The following AKAP13 variants were observed in gnomAD, a reference collection of about 807,000 sequenced individuals.
AKAP13 encodes the protein A-kinase anchoring protein 13.
AKAP13 carries 80 observed loss-of-function variants against 264.5 expected under a neutral mutation model. The ratio of observed to expected loss-of-function variants is 0.30; its 90% CI spans 0.25 to 0.36. AKAP13 has a LOEUF of 0.36. Ranked by LOEUF, AKAP13 falls within the 10% of genes least tolerant of loss-of-function variation. AKAP13 has a pLI of 1.00. For missense variants in AKAP13, 3,712 were observed against 3,435.2 expected (o/e 1.08, Z -2.01); for synonymous variants, 1,380 against 1,250.2 (o/e 1.10, Z -2.19).
intron 5 of AKAP13, among the ~76,000 whole-genome samples, chr15:85,562,586 T>A (rs370625641): frequency 0.58 from 66,337 of 113,666 alleles, 20,856 homozygotes; most frequent in East Asian, 0.63. Context: ...TATATATATA[T>A]ATATATATAT....
chr15:85,425,923 T>G (rs2072757076), intron 1 of AKAP13, among the ~76,000 whole-genome samples: 1 of 151,964 alleles, frequency 6.6e-6, no homozygotes. Context: ...AAAGAGTCAT[T>G]ATCAGATTGC....
In AKAP13 at chr15:85,692,471, GAGT is replaced by G. The variant is rs996190364; in HGVS notation, c.5290-796_5290-794del. Among the ~76,000 whole-genome samples the G allele has an allele frequency of 7.3e-5, 11 of 151,264 alleles. No homozygotes were observed. In the East Asian group the frequency reaches 1.2e-3, roughly 16 times the overall value. On this transcript the variant is annotated intron_variant, in intron 16 of 36. Coordinates refer to ENST00000394518, the MANE Select transcript of AKAP13 (RefSeq NM_007200.5). ...ATTTACCTAGGGTCACGCTATTACT[GAGT>G]AGTAGTAGTGGTGGTGGTGGTGATG...
At chr15:85,611,641 A>G (rs2080630219) in intron 8 of AKAP13, among the ~76,000 whole-genome samples, 1 of 152,212 alleles carries the variant, frequency 6.6e-6, no homozygotes, top group Admixed American at 6.5e-5. Context: ...AGCGTATTCC[A>G]GAAAAATATA....
chr15:85,413,252 A>G (rs1474246987), intron 1 of AKAP13, among the ~76,000 whole-genome samples: 1 of 152,190 alleles, frequency 6.6e-6, no homozygotes, highest in Non-Finnish European at 1.5e-5. Context: ...GTGGAGCTGG[A>G]TCTTTAGAAG....
chr15:85,715,895 A>G lies in AKAP13; in HGVS notation c.5707A>G (p.Lys1903Glu), dbSNP rs2086905103. ...RRSQQSVSLS[K>E]SVSIQNITGV... The stretch of plus-strand genomic sequence containing the variant: ...ATCCCAGCAGAGTGTCTCGCTCTCC[A>G]AAAGTGTCTCCATACAGAACATTAC... The change falls in exon 20 of 37, where the codon AAA becomes GAA. Residue 1903 changes from lysine (K) to glutamate (E), a missense_variant. Coordinates refer to ENST00000394518, the MANE Select transcript of AKAP13 (RefSeq NM_007200.5). 1 of 1,612,858 alleles carries G rather than the reference A, an allele frequency of 6.2e-7. No individual in the cohort carries two copies. The highest frequency in any genetic ancestry group is 1.3e-5 in the African/African-American group (1 of 74,740).
intron 8 of AKAP13, among the ~76,000 whole-genome samples, chr15:85,604,022 T>C (rs2080207096): frequency 6.6e-6 from 1 of 152,280 alleles, no homozygotes; most frequent in African/African-American, 2.4e-5. Context: ...CTGATGTGTG[T>C]TGAGTGTCTC....
At chr15:85,544,119 C>T in intron 5 of AKAP13, 164 bp downstream of exon 5, 2 of 812,048 alleles carry the variant, frequency 2.5e-6, no homozygotes, top group Non-Finnish European at 4.1e-6. Flanking sequence ...CTCCTGCTAA[C>T]CACTTCATTG....
At chr15:85,697,039 C>G (rs1393651484) in intron 17 of AKAP13, among the ~76,000 whole-genome samples, 1 of 152,150 alleles carries the variant, frequency 6.6e-6, no homozygotes, top group Non-Finnish European at 1.5e-5. Flanking sequence ...AAGAAACTTT[C>G]ACAAGAGGTT....
chr15:85,424,247 C>T (rs1288384024), intron 1 of AKAP13, among the ~76,000 whole-genome samples: 2 of 152,218 alleles, frequency 1.3e-5, no homozygotes, highest in Non-Finnish European at 2.9e-5. Flanking sequence ...CAGTATAAGG[C>T]TGTTTTGTCT....
intron 4 of AKAP13, among the ~76,000 whole-genome samples, chr15:85,539,895 A>G (rs568339941): frequency 6.6e-6 from 1 of 152,352 alleles, no homozygotes; most frequent in African/African-American, 2.4e-5. Context: ...TTTTCTGAGT[A>G]TGCTTTCTGT....
At chr15:85,385,450 C>G (rs900358170) in intron 1 of AKAP13, among the ~76,000 whole-genome samples, 1 of 152,124 alleles carries the variant, frequency 6.6e-6, no homozygotes, top group East Asian at 1.9e-4. Context: ...TGAGTTTTGA[C>G]AGGTGTATAC....
chr15:85,693,367 T>C lies in AKAP13; in HGVS notation c.5380T>C (p.Phe1794Leu). 5.0e-6 allele frequency: 8 copies of C among 1,613,974 alleles called. No individual in the cohort carries two copies. Among genetic ancestry groups the C allele is most frequent in the Non-Finnish European group, 6.8e-6 (8 of 1,179,958 alleles). Reference protein sequence around the residue: ...KDKKTVNGHTFSSIPVVGPIS... With the variant: ...KDKKTVNGHTLSSIPVVGPIS... ...TAAGAAGACTGTCAACGGGCACACT[T>C]TCAGTTCCATTCCTGTTGTGGGTCC... The change falls in exon 17 of 37, where the codon TTC becomes CTC. Residue 1794 changes from phenylalanine (F) to leucine (L), a missense_variant. By Grantham distance (22) the Phe-to-Leu change is conservative. Transcript: ENST00000394518.
chr15:85,733,104 T>C (rs1222807977), intron 30 of AKAP13, among the ~76,000 whole-genome samples: 1 of 152,186 alleles, frequency 6.6e-6, no homozygotes, highest in Non-Finnish European at 1.5e-5. Flanking sequence ...CCTCTAGTCA[T>C]GTGGATATGT....
At chr15:85,701,934 C>T (rs1210751077) in intron 17 of AKAP13, among the ~76,000 whole-genome samples, 1 of 152,066 alleles carries the variant, frequency 6.6e-6, no homozygotes, top group Non-Finnish European at 1.5e-5. Flanking sequence ...AGACAGTCTG[C>T]AGCCTGCCTC....
chr15:85,657,751 A>C (rs1043257835), intron 11 of AKAP13, among the ~76,000 whole-genome samples: 1 of 150,220 alleles, frequency 6.7e-6, no homozygotes, highest in African/African-American at 2.5e-5. Flanking sequence ...GCAACAGAAA[A>C]TGTAAGAGCA....
Position 85,581,359 on chromosome 15 carries a change from A to T in AKAP13, c.3291A>T (p.Leu1097=), listed in dbSNP as rs934668020. 1.9e-6 allele frequency: 3 copies of T among 1,614,230 alleles called. No homozygotes were observed. Among genetic ancestry groups the T allele is most frequent in the Non-Finnish European group, 2.5e-6 (3 of 1,180,034 alleles). The change falls in exon 7 of 37, where the codon CTA becomes CTT. Residue 1097 remains leucine (L), a synonymous_variant. Coordinates refer to ENST00000394518, the MANE Select transcript of AKAP13 (RefSeq NM_007200.5). The stretch of plus-strand genomic sequence containing the variant: ...TGGATGTTACAGGGGTTAATGCTCT[A>T]CAAGGTATGGCTGAGCCCAGAAGAG... ...VTVDVTGVNA[L]QGMAEPRREN...
At chr15:85,631,294 T>G (rs891743832) in intron 8 of AKAP13, among the ~76,000 whole-genome samples, 1 of 152,052 alleles carries the variant, frequency 6.6e-6, no homozygotes, top group Non-Finnish European at 1.5e-5. Flanking sequence ...GGGTGAGGCA[T>G]GACTACTAAT....
chr15:85,592,555 T>C (rs924357991), intron 8 of AKAP13, among the ~76,000 whole-genome samples: 2 of 152,250 alleles, frequency 1.3e-5, no homozygotes, highest in African/African-American at 4.8e-5. Context: ...ATTGCCCACT[T>C]TCTGAGTTGC....
chr15:85,736,424 TGTTTG>T (rs762545537), intron 33 of AKAP13, among the ~76,000 whole-genome samples: 1,291 of 118,192 alleles, frequency 0.011, 17 homozygotes, highest in Non-Finnish European at 0.017. Flanking sequence ...GCTGTTTTTT[TGTTTG>T]TTTGTTTGTT....
Sources: gnomAD v4.1 joint callset for allele counts (sites outside exome capture counted in the v4.1 genomes callset) on GRCh38, gnomAD v4.1.1 for gene constraint, MANE v1.5 for transcripts, NCBI Gene and HGNC (gene_info 2026-07-23, HGNC 2026-07-21) for gene names.